The following JADE2 variants were observed in gnomAD, a reference collection of about 807,000 sequenced individuals.
JADE2 encodes the protein jade family PHD finger 2.
JADE2 carries 13 observed loss-of-function variants against 85.7 expected under a neutral mutation model. The observed-to-expected ratio is 0.15, with a 90% CI of 0.10 to 0.24. JADE2 has a LOEUF of 0.24. Among genes scored for constraint, JADE2 ranks in the 10% least tolerant of loss-of-function variants. JADE2 has a pLI of 1.00. For missense variants in JADE2, 846 were observed against 1,115.9 expected (o/e 0.76, Z 3.45); for synonymous variants, 440 against 456.1 (o/e 0.96, Z 0.45).
chr5:134,539,350 A>T (rs931163652), intron 3 of JADE2, among the ~76,000 whole-genome samples: 4 of 152,112 alleles, frequency 2.6e-5, no homozygotes, highest in African/African-American at 7.2e-5. Context: ...GGCATGAGCC[A>T]CCGCGCCCGG....
chr5:134,534,272 AG>A lies in JADE2; in HGVS notation c.1-1584del, dbSNP rs147897403. ...AAAGGGCTGCTCTAGGGACTCGTTG[AG>A]GTCCCTGTGGACCCTGTGGAACCCC... On this transcript the variant is annotated intron_variant, in intron 1 of 11. Coordinates refer to ENST00000681547, the MANE Select transcript of JADE2 (RefSeq NM_001388185.1). Among the ~76,000 whole-genome samples, 640 of 152,184 alleles carry A rather than the reference AG, an allele frequency of 4.2e-3. 3 individuals are homozygous for A. Among genetic ancestry groups the A allele is most frequent in the Admixed American group, 8.1e-3 (123 of 15,276 alleles).
rs527326162 is a variant in JADE2, at chr5:134,578,758, AACCACCACC to A, written c.1956_1964del (p.Pro653_Pro655del). On this transcript the variant is annotated inframe_deletion, in exon 12 of 12. Coordinates refer to ENST00000681547, the MANE Select transcript of JADE2 (RefSeq NM_001388185.1). This position sits in a 1 kb window ranked among gnomAD's most constrained non-coding sequence, Gnocchi z 4.4. ...CGCACCCGCCTGCCTGCCAAGAAGAAACCACCACCACCACCACCGCAGGACGGGCCTGGT... is the reference window on the plus strand; with the variant it reads ...CGCACCCGCCTGCCTGCCAAGAAGAAACCACCACCGCAGGACGGGCCTGGT... The A allele has an allele frequency of 3.9e-5, 63 of 1,613,560 alleles. No individual in the cohort carries two copies. Among genetic ancestry groups the A allele is most frequent in the East Asian group, 8.9e-5 (4 of 44,864 alleles).
intron 9 of JADE2, among the ~76,000 whole-genome samples, chr5:134,567,098 G>A (rs1433779565): frequency 1.3e-5 from 2 of 152,212 alleles, no homozygotes; most frequent in Non-Finnish European, 1.5e-5. Context: ...GGGTAGATGG[G>A]TAAACGCGGC....
rs1763355144 is a variant in JADE2 at position 134,562,049 on chromosome 5, C to T, written c.685-151C>T. On this transcript the variant is annotated intron_variant, in intron 6 of 11. Transcript: ENST00000681547. This position sits in a 1 kb window ranked among gnomAD's most constrained non-coding sequence, Gnocchi z 4.6. ...CCAGGAGCCCTTCCTTCCTTCCTTGCATTGTAACTCCTCAGAAGTTGTACG... is the reference window on the plus strand; with the variant it reads ...CCAGGAGCCCTTCCTTCCTTCCTTGTATTGTAACTCCTCAGAAGTTGTACG... The T allele has an allele frequency of 1.4e-6, 1 of 713,742 alleles. No homozygotes were observed. The highest frequency in any genetic ancestry group is 2.6e-5 in the South Asian group (1 of 38,396). 44.2% of individuals were successfully genotyped at this position (713,742 alleles called of 1,614,324 possible).
chr5:134,575,519 G>A (rs1239207886), intron 10 of JADE2: 4 of 152,252 alleles, frequency 2.6e-5, no homozygotes, highest in African/African-American at 7.2e-5. Flanking sequence ...AGATCTTCTT[G>A]TAGCCTGGGG....
chr5:134,540,750 G>A (rs1485130049), intron 3 of JADE2, among the ~76,000 whole-genome samples: 1 of 152,144 alleles, frequency 6.6e-6, no homozygotes, highest in Non-Finnish European at 1.5e-5. Context: ...AGTTCCTAGG[G>A]TTGGCTTATC....
rs1220196277 is a variant in JADE2 at position 134,576,756 on chromosome 5, T to A, written c.1553-12T>A. On this transcript the variant is annotated splice_polypyrimidine_tract_variant and intron_variant, in intron 10 of 11. Transcript: ENST00000681547. ...AACCATCTCCCTCCTCCTCTCACTT[T>A]CCCTGACACAGAGCGGTCTGGGAGG... is the stretch of plus-strand genomic sequence containing the variant. 1 of 1,550,304 alleles carries A rather than the reference T, an allele frequency of 6.5e-7. No homozygotes were observed. The highest frequency in any genetic ancestry group is 8.7e-7 in the Non-Finnish European group (1 of 1,146,896).
intron 1 of JADE2, among the ~76,000 whole-genome samples, chr5:134,527,378 C>A (rs910515429): frequency 6.6e-6 from 1 of 152,074 alleles, no homozygotes; most frequent in Non-Finnish European, 1.5e-5. Flanking sequence ...GTCAACTTGG[C>A]GATTCGCAGC....
At position 134,578,942 on chromosome 5, in the gene JADE2, C is replaced by G; in HGVS notation, c.2130C>G (p.Ile710Met). The change falls in exon 12 of 12, where the codon ATC becomes ATG. Residue 710 changes from isoleucine (I) to methionine (M), a missense_variant. Transcript: ENST00000681547. This position sits in a 1 kb window ranked among gnomAD's most constrained non-coding sequence, Gnocchi z 4.4. ...GCCCTGCAGCCGGGGACTGTCCCAT[C>G]CTAGCCACCCCTGAAAGCCCCCCGC... Reference protein sequence around the residue: ...PSSPAAGDCPILATPESPPPL... With the variant: ...PSSPAAGDCPMLATPESPPPL... 1 of 1,613,396 alleles carries G rather than the reference C, an allele frequency of 6.2e-7. No homozygotes were observed. Among genetic ancestry groups the G allele is most frequent in the South Asian group, 1.1e-5 (1 of 91,054 alleles).
At chr5:134,540,115 T>C (rs1352785841) in intron 3 of JADE2, among the ~76,000 whole-genome samples, 3 of 151,996 alleles carry the variant, frequency 2.0e-5, no homozygotes, top group African/African-American at 4.8e-5. Flanking sequence ...GGTAGGGGGA[T>C]GGGATGTGCT....
At chr5:134,534,626 C>T (rs988682512) in intron 1 of JADE2, among the ~76,000 whole-genome samples, 24 of 152,288 alleles carry the variant, frequency 1.6e-4, no homozygotes, top group East Asian at 5.8e-4. Context: ...GGTGGCATCC[C>T]AGGGCTCAGC....
chr5:134,527,402 G>A (rs973866113), intron 1 of JADE2, among the ~76,000 whole-genome samples: 1 of 152,108 alleles, frequency 6.6e-6, no homozygotes, highest in African/African-American at 2.4e-5. Flanking sequence ...TCTGCCAGAG[G>A]ATGGGGTTGC....
At position 134,579,612 on chromosome 5, in the gene JADE2, G is replaced by A. The variant is rs912223440; in HGVS notation, c.*295G>A. On this transcript the variant is annotated 3_prime_UTR_variant, in exon 12 of 12. Coordinates refer to ENST00000681547, the MANE Select transcript of JADE2 (RefSeq NM_001388185.1). This position sits in a 1 kb window ranked among gnomAD's most constrained non-coding sequence, Gnocchi z 4.6. ...TTGCTGGGCTCCTGGCTAGATGCAA[G>A]CAAGGTGGACAAGAGCTCAGGACTC... is the stretch of plus-strand genomic sequence containing the variant. 4 of 373,040 alleles carry A rather than the reference G, an allele frequency of 1.1e-5. No homozygotes were observed. Among genetic ancestry groups the A allele is most frequent in the African/African-American group, 2.0e-5 (1 of 49,616 alleles). The allele number at this position is 373,040 out of a possible 1,614,324, so 23.1% of individuals were successfully genotyped here. A position where few individuals can be genotyped will look rare whatever the true frequency, so the allele number is the denominator to read the frequency against.
At chr5:134,534,437 C>T (rs1226988932) in intron 1 of JADE2, among the ~76,000 whole-genome samples, 4 of 152,090 alleles carry the variant, frequency 2.6e-5, no homozygotes, top group Admixed American at 6.6e-5. Context: ...GGCAGGCAGC[C>T]TCAATGAGCC....
At chr5:134,524,970 C>T (rs1376995975), upstream of JADE2, among the ~76,000 whole-genome samples, 1 of 152,146 alleles carries the variant, frequency 6.6e-6, no homozygotes, top group East Asian at 1.9e-4. Context: ...GATTCAGAAG[C>T]AGGGCCTAGG....
chr5:134,573,622 G>A (rs1387083830), intron 9 of JADE2, 23 bp from the exon 10 acceptor site: 5 of 1,578,356 alleles, frequency 3.2e-6, no homozygotes, highest in Non-Finnish European at 4.4e-6. Flanking sequence ...GAGTAAGGTG[G>A]AAAATCTCTC....
chr5:134,544,560 G>A (rs1561735424), intron 3 of JADE2: 1 of 166,682 alleles, frequency 6.0e-6, no homozygotes, highest in Non-Finnish European at 1.5e-5. Context: ...AGGAGGTGGG[G>A]AGTGTCGGGT....
chr5:134,556,071 C>T (rs1762895717), intron 4 of JADE2, among the ~76,000 whole-genome samples: 1 of 152,150 alleles, frequency 6.6e-6, no homozygotes, highest in African/African-American at 2.4e-5. Flanking sequence ...TGGGGAAGCC[C>T]AGGAGCCCTC....
At chr5:134,535,801 G>C in intron 1 of JADE2, 57 bp from the exon 2 acceptor site, 1 of 1,482,454 alleles carries the variant, frequency 6.7e-7, no homozygotes. Context: ...GATTTTCTGA[G>C]AGGTTGAGGA....
Sources: allele counts gnomAD v4.1 joint callset (sites outside exome capture counted in the v4.1 genomes callset), GRCh38; gene constraint gnomAD v4.1.1; non-coding constraint Gnocchi (gnomAD v3.1); transcripts MANE v1.5; gene names NCBI Gene and HGNC (gene_info 2026-07-23, HGNC 2026-07-21).